The following RGS12 variants were observed in gnomAD, a reference collection of about 807,000 sequenced individuals.
The protein encoded by RGS12 is regulator of G-protein signaling 12.
In RGS12, 66 loss-of-function variants were observed where a neutral mutation model predicts 120.1. The observed-to-expected ratio is 0.55, with a 90% CI of 0.45 to 0.67. RGS12 has a LOEUF of 0.67. Among genes scored for constraint, RGS12 ranks in the 30% least tolerant of loss-of-function variants. The probability of loss-of-function intolerance (pLI) is 0.00; values close to 1 mark genes in which losing one functional copy is unlikely to be tolerated. For missense variants in RGS12, 1,859 were observed against 1,957.7 expected (o/e 0.95, Z 0.95); for synonymous variants, 827 against 804.7 (o/e 1.03, Z -0.47).
intron 4 of RGS12, among the ~76,000 whole-genome samples, chr4:3,399,839 A>C (rs1010915851): frequency 6.6e-6 from 1 of 152,242 alleles, no homozygotes; most frequent in Non-Finnish European, 1.5e-5. Context: ...ACTACATTAC[A>C]TGCCTACTGC....
chr4:3,310,426 G>A (rs1244884135), intron 1 of RGS12, among the ~76,000 whole-genome samples: 1 of 152,226 alleles, frequency 6.6e-6, no homozygotes, highest in African/African-American at 2.4e-5. Flanking sequence ...GTATTGACTG[G>A]TGGCTCAGTA....
intron 3 of RGS12, among the ~76,000 whole-genome samples, chr4:3,383,177 C>T (rs1051206403): frequency 9.9e-5 from 15 of 152,128 alleles, no homozygotes; most frequent in Non-Finnish European, 1.6e-4. Flanking sequence ...AGGGGACAAC[C>T]GTGCTGTGGC....
At chr4:3,431,472 G>A (rs1400706696) in intron 17 of RGS12, 16 of 988,622 alleles carry the variant, frequency 1.6e-5, no homozygotes, top group Non-Finnish European at 1.8e-5. Flanking sequence ...GGCGGCCCCC[G>A]TAGCAGGTGG....
intron 17 of RGS12, among the ~76,000 whole-genome samples, chr4:3,437,381 G>A (rs1319482255): frequency 1.3e-5 from 2 of 152,160 alleles, no homozygotes; most frequent in Non-Finnish European, 2.9e-5. Flanking sequence ...GGTAGAGCCG[G>A]GCTTCTGGAC....
chr4:3,422,653 G>A, intron 11 of RGS12, 83 bp downstream of exon 11: 1 of 1,437,368 alleles, frequency 7.0e-7, no homozygotes, highest in South Asian at 1.3e-5. Context: ...AGAGTCCTCA[G>A]GCTGCCCCCT....
At chr4:3,363,829 G>A (rs982571102) in intron 3 of RGS12, among the ~76,000 whole-genome samples, 35 of 152,272 alleles carry the variant, frequency 2.3e-4, no homozygotes, top group African/African-American at 5.8e-4. Flanking sequence ...GGGACTGGAA[G>A]GAAGCTTGGT....
At chr4:3,299,132 T>C (rs190085567) in intron 1 of RGS12, among the ~76,000 whole-genome samples, 51 of 152,182 alleles carry the variant, frequency 3.4e-4, no homozygotes, top group Admixed American at 1.3e-3. Flanking sequence ...CAAATGAAAA[T>C]CTCTGCTGCA....
chr4:3,349,482 C>T (rs1348991284), intron 3 of RGS12, among the ~76,000 whole-genome samples: 1 of 152,158 alleles, frequency 6.6e-6, no homozygotes, highest in Non-Finnish European at 1.5e-5. Context: ...GTTTCTTTCT[C>T]TTTGCTTTCT....
At chr4:3,425,361 C>A in intron 13 of RGS12, 103 bp from the exon 14 acceptor site, 2 of 1,035,106 alleles carry the variant, frequency 1.9e-6, no homozygotes, top group Non-Finnish European at 3.0e-6. Flanking sequence ...TCCTGCGTGA[C>A]TCCATCAAGC....
chr4:3,362,521 T>G (rs537064867), intron 3 of RGS12, among the ~76,000 whole-genome samples: 1 of 117,290 alleles, frequency 8.5e-6, no homozygotes, highest in Non-Finnish European at 1.7e-5. Flanking sequence ...TCAGTGTGTG[T>G]GAGGGTGTGT....
chr4:3,431,179 C>T, intron 17 of RGS12: 2 of 1,406,104 alleles, frequency 1.4e-6, no homozygotes, highest in Non-Finnish European at 1.8e-6. Flanking sequence ...GCGCTCTGGG[C>T]AGGCATCCTG....
intron 4 of RGS12, among the ~76,000 whole-genome samples, chr4:3,401,344 A>T (rs1017745959): frequency 6.6e-5 from 10 of 152,214 alleles, no homozygotes; most frequent in African/African-American, 2.4e-4. Context: ...ATGTCAGTTT[A>T]TATCCCTTTC....
chr4:3,422,271 G>T, intron 10 of RGS12, 105 bp from the exon 11 acceptor site: 1 of 1,170,534 alleles, frequency 8.5e-7, no homozygotes. Flanking sequence ...CAGGGCGCCA[G>T]CCTCCCCAGC....
chr4:3,402,270 C>A lies in RGS12; in HGVS notation c.2021-11802C>A, dbSNP rs74948766. Among the ~76,000 whole-genome samples the A allele has an allele frequency of 7.2e-5, 11 of 152,310 alleles. No homozygotes were observed. In the East Asian group the frequency reaches 2.1e-3, roughly 29 times the overall value. ...CCAGCAAATACCATTTATATGGCCA[C>A]CATGGCTGAGAGCATCCACCATCTG... On this transcript the variant is annotated intron_variant, in intron 4 of 17. Coordinates refer to ENST00000336727, the MANE Select transcript of RGS12 (RefSeq NM_001394154.1).
At chr4:3,413,054 C>T (rs1486581432) in intron 4 of RGS12, 7 of 35,410 alleles carry the variant, frequency 2.0e-4, no homozygotes, top group African/African-American at 6.2e-4. Context: ...TCAGGAGGGA[C>T]GGGGGCGCCC....
chr4:3,434,747 C>G (rs531526965), intron 17 of RGS12, among the ~76,000 whole-genome samples: 5 of 152,228 alleles, frequency 3.3e-5, no homozygotes, highest in Non-Finnish European at 5.9e-5. Context: ...CGGGTTCTTA[C>G]GGTTGTGTTG....
In RGS12 at chr4:3,430,709, C is replaced by A. The variant is rs535694501; in HGVS notation, c.3868C>A (p.Pro1290Thr). The A allele has an allele frequency of 5.0e-5, 79 of 1,580,950 alleles. No homozygotes were observed. Among genetic ancestry groups the A allele is most frequent in the East Asian group, 9.0e-5 (4 of 44,400 alleles). The change falls in exon 17 of 18, where the codon CCC (proline) becomes ACC (threonine). Residue 1290 changes from proline to threonine, a missense_variant. By Grantham distance (38) the Pro-to-Thr change is conservative. Transcript: ENST00000336727. ...SPPGPPGTTP[P>T]GQKSPSGPFC... The stretch of plus-strand genomic sequence containing the variant: ...CCCTGGACCTCCTGGGACGACCCCC[C>A]CCGGGCAGAAGTCTCCCAGCGGGCC...
chr4:3,424,357 G>A (rs1208314362), intron 13 of RGS12, among the ~76,000 whole-genome samples: 2 of 152,222 alleles, frequency 1.3e-5, no homozygotes, highest in Non-Finnish European at 2.9e-5. Context: ...GCTTTGAAGT[G>A]AACAAGAAGA....
intron 1 of RGS12, among the ~76,000 whole-genome samples, chr4:3,304,122 G>GCT (rs1292357086): frequency 6.6e-6 from 1 of 152,180 alleles, no homozygotes; most frequent in East Asian, 1.9e-4. Context: ...TGTCCCTGAT[G>GCT]CTCAGCCTCT....
Sources: gnomAD v4.1 joint callset for allele counts (sites outside exome capture counted in the v4.1 genomes callset) on GRCh38, gnomAD v4.1.1 for gene constraint, MANE v1.5 for transcripts, NCBI Gene and HGNC (gene_info 2026-07-23, HGNC 2026-07-21) for gene names.